The following COLGALT2 variants were observed in gnomAD, a reference collection of about 807,000 sequenced individuals.
The protein encoded by COLGALT2 is collagen beta(1-O)galactosyltransferase 2.
Under a neutral mutation model 73.4 loss-of-function variants are expected in COLGALT2, and 49 were observed. The observed-to-expected ratio is 0.67, with a 90% confidence interval of 0.53 to 0.85. COLGALT2 has a LOEUF of 0.85. COLGALT2 is among the 40% of genes least tolerant of loss of function. The pLI is 0.00. For synonymous variants in COLGALT2, 295 were observed against 307.6 expected (o/e 0.96, Z 0.43); for missense variants, 722 against 790.2 (o/e 0.91, Z 1.03).
intron 8 of COLGALT2, among the ~76,000 whole-genome samples, chr1:183,947,967 T>C (rs990525121): frequency 1.3e-5 from 2 of 152,044 alleles, no homozygotes; most frequent in Non-Finnish European, 2.9e-5. Context: ...TGAACAATTG[T>C]ATGGCAACAA....
intron 6 of COLGALT2, among the ~76,000 whole-genome samples, chr1:183,963,385 T>C (rs1433541165): frequency 1.3e-5 from 2 of 152,174 alleles, no homozygotes; most frequent in Non-Finnish European, 2.9e-5. Flanking sequence ...TTGTACACTT[T>C]AATGTACAAA....
chr1:183,958,173 G>C lies in COLGALT2; in HGVS notation c.953-3335C>G, dbSNP rs76241291. On this transcript the variant is annotated intron_variant, in intron 6 of 11. Transcript: ENST00000361927. ...GAGATGGGCACAGTGCTTTTAATAA[G>C]TGTTAGTCATTGTCGTCATAACCCT... Among the ~76,000 whole-genome samples the C allele has an allele frequency of 1.6e-3, 251 of 152,244 alleles. 4 individuals are homozygous for C. In the East Asian group the frequency reaches 0.041, roughly 25 times the overall value.
intron 1 of COLGALT2, among the ~76,000 whole-genome samples, chr1:184,021,876 A>G (rs1225702555): frequency 6.6e-6 from 1 of 152,222 alleles, no homozygotes; most frequent in East Asian, 1.9e-4. Flanking sequence ...AGTATTTGGA[A>G]GCAAGTCCCC....
At chr1:183,948,840 A>T (rs1572632226) in intron 8 of COLGALT2, among the ~76,000 whole-genome samples, 1 of 152,196 alleles carries the variant, frequency 6.6e-6, no homozygotes, top group East Asian at 1.9e-4. Context: ...ATACACACAC[A>T]AAGGAAAAAG....
At chr1:183,979,371 T>A (rs1037898903) in intron 1 of COLGALT2, among the ~76,000 whole-genome samples, 5 of 152,050 alleles carry the variant, frequency 3.3e-5, no homozygotes, top group African/African-American at 4.8e-5. Context: ...GAGGTAGAAT[T>A]CAGGCCAAAG....
chr1:183,986,634 CAT>C (rs1558326476), intron 1 of COLGALT2, among the ~76,000 whole-genome samples: 1 of 152,040 alleles, frequency 6.6e-6, no homozygotes, highest in African/African-American at 2.4e-5. Flanking sequence ...CTTAATTAAA[CAT>C]ATTATAATTG....
intron 8 of COLGALT2, among the ~76,000 whole-genome samples, chr1:183,950,068 C>A (rs2102795270): frequency 6.6e-6 from 1 of 152,294 alleles, no homozygotes; most frequent in Middle Eastern, 3.4e-3. Flanking sequence ...TATAACCAAG[C>A]CCCATGTGAT....
At chr1:183,962,154 C>CTTTTTTTTTTTTTTTTTTTT (rs34873073) in intron 6 of COLGALT2, among the ~76,000 whole-genome samples, 3 of 85,540 alleles carry the variant, frequency 3.5e-5, no homozygotes, top group African/African-American at 1.0e-4. Context: ...TTTTCTCTTT[C>CTTTTTTTTTTTTTTTTTTTT]TTTTTTTTTT....
intron 6 of COLGALT2, among the ~76,000 whole-genome samples, chr1:183,958,897 C>T (rs570357232): frequency 2.0e-5 from 3 of 151,678 alleles, no homozygotes; most frequent in Non-Finnish European, 2.9e-5. Flanking sequence ...ACCAGAAAAA[C>T]CTTTCCCTTG....
At chr1:183,951,187 T>TA in intron 7 of COLGALT2, 74 bp from the exon 8 acceptor site, 2 of 1,079,262 alleles carry the variant, frequency 1.9e-6, no homozygotes, top group Non-Finnish European at 2.9e-6. Flanking sequence ...AAAAGTTTAG[T>TA]AAATGTTTTA....
chr1:183,939,057 C>T lies in COLGALT2; in HGVS notation c.1605-20G>A, dbSNP rs750926806. The T allele has an allele frequency of 4.8e-5, 77 of 1,595,680 alleles. No individual in the cohort carries two copies. Among genetic ancestry groups the T allele is most frequent in the Non-Finnish European group, 6.4e-5 (74 of 1,165,066 alleles). ...TCGGCTCTGAAAACAAGAAGGTGGCCGGACACATGAGGGGGCGGAAAGGAG... is the reference window on the plus strand; with the variant it reads ...TCGGCTCTGAAAACAAGAAGGTGGCTGGACACATGAGGGGGCGGAAAGGAG... On this transcript the variant is annotated intron_variant, in intron 11 of 11. Coordinates refer to ENST00000361927, the MANE Select transcript of COLGALT2 (RefSeq NM_015101.4).
In COLGALT2 at chr1:184,037,721, C is replaced by G; in HGVS notation, c.-364G>C. On this transcript the variant is annotated 5_prime_UTR_variant, in exon 1 of 12. Transcript: ENST00000361927. ...AGGTCTGTGGCCTTCCCTAGAGCCGCGAGTTGTGGCCCTGTCTGCCAATGA... is the reference window on the plus strand; with the variant it reads ...AGGTCTGTGGCCTTCCCTAGAGCCGGGAGTTGTGGCCCTGTCTGCCAATGA... The G allele has an allele frequency of 1.1e-6, 1 of 922,846 alleles. No individual in the cohort carries two copies. Among genetic ancestry groups the G allele is most frequent in the South Asian group, 5.0e-5 (1 of 19,898 alleles). The allele number at this position is 922,846 out of a possible 1,614,324, so 57.2% of individuals were successfully genotyped here. A position where few individuals can be genotyped will look rare whatever the true frequency, so the allele number is the denominator to read the frequency against.
intron 1 of COLGALT2, among the ~76,000 whole-genome samples, chr1:184,011,976 A>G (rs1399003775): frequency 6.6e-6 from 1 of 152,246 alleles, no homozygotes; most frequent in Admixed American, 6.5e-5. Flanking sequence ...TAAGAAAATA[A>G]GGGAAGGAAA....
Position 183,945,476 on chromosome 1 carries a change from C to A in COLGALT2, c.1225G>T (p.Gly409Cys). The change falls in exon 9 of 12, where the codon GGT (glycine) becomes TGT (cysteine). Residue 409 changes from glycine (G) to cysteine (C), a missense_variant. Coordinates refer to ENST00000361927, the MANE Select transcript of COLGALT2 (RefSeq NM_015101.4). ...DPYSSRPLTR[G>C]EIGCFLSHYS... The stretch of plus-strand genomic sequence containing the variant: ...TGGCTGAGAAAGCAGCCGATTTCAC[C>A]CCTTGTTAGAGGCCTGGAGGAATAG... The A allele has an allele frequency of 6.2e-7, 1 of 1,614,184 alleles. No individual in the cohort carries two copies. The highest frequency in any genetic ancestry group is 8.5e-7 in the Non-Finnish European group (1 of 1,180,026).
chr1:183,946,972 A>G (rs1010019661), intron 8 of COLGALT2, among the ~76,000 whole-genome samples: 26 of 152,320 alleles, frequency 1.7e-4, no homozygotes, highest in African/African-American at 6.0e-4. Flanking sequence ...TGGAGCTTGC[A>G]GTGAGCCAAG....
intron 5 of COLGALT2, among the ~76,000 whole-genome samples, chr1:183,966,085 C>T (rs1670863669): frequency 6.6e-6 from 1 of 152,166 alleles, no homozygotes; most frequent in Non-Finnish European, 1.5e-5. Flanking sequence ...AAGTGGTTGC[C>T]TTCTGGAGGA....
Position 183,991,792 on chromosome 1 carries a change from T to A in COLGALT2, c.264-13272A>T, listed in dbSNP as rs1671634387. On this transcript the variant is annotated intron_variant, in intron 1 of 11. Coordinates refer to ENST00000361927, the MANE Select transcript of COLGALT2 (RefSeq NM_015101.4). Reference sequence around the variant, plus strand: ...GTAAATTGAAGAGTCCCAAGTCATATTTTTGAGGAGTCTTGAGTTATTTTA... The same window carrying A: ...GTAAATTGAAGAGTCCCAAGTCATAATTTTGAGGAGTCTTGAGTTATTTTA... 2.0e-5 allele frequency among the ~76,000 whole-genome samples: 3 copies of A among 152,200 alleles called. No homozygotes were observed. In the South Asian group the frequency reaches 6.2e-4, roughly 32 times the overall value.
downstream of COLGALT2, among the ~76,000 whole-genome samples, chr1:183,932,797 C>T (rs1669873815): frequency 6.6e-6 from 1 of 152,154 alleles, no homozygotes; most frequent in Admixed American, 6.5e-5. Flanking sequence ...CTCTCAGGGC[C>T]TGAGAGATCG....
intron 1 of COLGALT2, among the ~76,000 whole-genome samples, chr1:183,980,505 T>G (rs76872902): frequency 0.019 from 2,874 of 152,242 alleles, 71 homozygotes; most frequent in African/African-American, 0.055. Context: ...AAAATGCATG[T>G]TAGCAAAATT....
Sources: allele counts gnomAD v4.1 joint callset (sites outside exome capture counted in the v4.1 genomes callset), GRCh38; gene constraint gnomAD v4.1.1; transcripts MANE v1.5; gene names NCBI Gene and HGNC (gene_info 2026-07-23, HGNC 2026-07-21).